The following AANAT variants were observed in gnomAD, a reference collection of about 807,000 sequenced individuals.
AANAT encodes serotonin N-acetyltransferase.
A neutral mutation model predicts 15.6 loss-of-function variants in AANAT; 11 were observed. The observed-to-expected ratio is 0.71, with a 90% CI of 0.44 to 1.17. The LOEUF is 1.17. AANAT is among the 50% of genes most tolerant of loss of function. The pLI is 0.00. For missense variants in AANAT, 286 were observed against 296.3 expected (o/e 0.97, Z 0.26); for synonymous variants, 139 against 131.5 (o/e 1.06, Z -0.39).
upstream of AANAT, chr17:76,465,782 C>T: frequency 3.6e-6 from 1 of 275,058 alleles, no homozygotes; most frequent in South Asian, 3.2e-5. Flanking sequence ...CCTGTCTCCT[C>T]TCCTGTCCCA....
At position 76,469,690 on chromosome 17, in the gene AANAT, G is replaced by A. The variant is rs2073495945; in HGVS notation, c.344G>A (p.Gly115Glu). ...GAGTCACTGACGCTGCACAGGTCTG[G>A]GGGCCACATAGCCCACCTGCATGTG... ...MQESLTLHRS[G>E]GHIAHLHVLA... Residue 115 changes from glycine (G) to glutamate (E), a missense_variant, in exon 4 of 4, where the codon GGG (glycine) becomes GAG (glutamate). Coordinates refer to ENST00000392492, the MANE Select transcript of AANAT (RefSeq NM_001088.3). The surrounding 1 kb of genome is among the most constrained non-coding windows in gnomAD (Gnocchi z 5.2). The A allele has an allele frequency of 6.6e-7, 1 of 1,521,310 alleles. No individual in the cohort carries two copies. The highest frequency in any genetic ancestry group is 8.8e-7 in the Non-Finnish European group (1 of 1,133,586). The allele number at this position is 1,521,310 out of a possible 1,614,324, so 94.2% of individuals were successfully genotyped here.
upstream of AANAT, among the ~76,000 whole-genome samples, chr17:76,467,358 G>A (rs372119135): frequency 2.0e-5 from 3 of 152,144 alleles, no homozygotes; most frequent in African/African-American, 7.2e-5. Context: ...CCAGCCAGTC[G>A]GTGACAGAGC....
intron 2 of AANAT, among the ~76,000 whole-genome samples, chr17:76,460,794 C>T (rs1325928340): frequency 2.6e-5 from 4 of 152,124 alleles, no homozygotes; most frequent in Admixed American, 2.6e-4. Flanking sequence ...GAGGTAAGTG[C>T]CTATCTAATA....
chr17:76,458,091 G>A (rs2073356352), intron 1 of AANAT, among the ~76,000 whole-genome samples: 1 of 152,204 alleles, frequency 6.6e-6, no homozygotes, highest in Non-Finnish European at 1.5e-5. Flanking sequence ...CTGAGAACCT[G>A]TACCTCCATT....
chr17:76,466,170 G>C (rs2073436449), upstream of AANAT: 2 of 1,536,838 alleles, frequency 1.3e-6, no homozygotes, highest in African/African-American at 1.4e-5. Flanking sequence ...ACCAGGGGGT[G>C]CCATGGAGCC....
At chr17:76,465,703 C>T (rs1015859538), upstream of AANAT, among the ~76,000 whole-genome samples, 2 of 151,982 alleles carry the variant, frequency 1.3e-5, no homozygotes, top group Non-Finnish European at 2.9e-5. Flanking sequence ...TTTTCCTTCT[C>T]ATTGGTGGTG....
upstream of AANAT, among the ~76,000 whole-genome samples, chr17:76,465,479 G>A (rs1043769565): frequency 3.9e-5 from 6 of 152,058 alleles, no homozygotes; most frequent in African/African-American, 1.4e-4. Context: ...GGGGCTACAG[G>A]TGTGTGCCAC....
chr17:76,466,404 G>C (rs926473940), upstream of AANAT, among the ~76,000 whole-genome samples: 4 of 152,090 alleles, frequency 2.6e-5, no homozygotes, highest in African/African-American at 9.7e-5. Context: ...GAATGCATGT[G>C]GTGGGTGGGC....
intron 1 of AANAT, among the ~76,000 whole-genome samples, chr17:76,455,469 CTAATT>C (rs2073335256): frequency 6.6e-6 from 1 of 152,060 alleles, no homozygotes; most frequent in Non-Finnish European, 1.5e-5. Context: ...AAAACTAACT[CTAATT>C]TAATGTGTCA....
At chr17:76,468,292 A>AGG (rs892915856) in intron 1 of AANAT, among the ~76,000 whole-genome samples, 3 of 152,080 alleles carry the variant, frequency 2.0e-5, no homozygotes, top group African/African-American at 7.2e-5. Context: ...TGGTCAGTGG[A>AGG]GGGTCACGAG....
chr17:76,466,201 A>C (rs1332110337), upstream of AANAT: 5 of 1,536,548 alleles, frequency 3.3e-6, no homozygotes, highest in Non-Finnish European at 4.4e-6. Flanking sequence ...AAGGGACAGA[A>C]GAGGCCTTTT....
chr17:76,454,003 G>C (rs1244108765), intron 1 of AANAT, among the ~76,000 whole-genome samples: 1 of 152,182 alleles, frequency 6.6e-6, no homozygotes, highest in Non-Finnish European at 1.5e-5. Flanking sequence ...GTGAAATAGG[G>C]ATGATAATAG....
upstream of AANAT, among the ~76,000 whole-genome samples, chr17:76,465,160 C>A (rs2073425186): frequency 1.3e-5 from 2 of 152,042 alleles, no homozygotes; most frequent in Admixed American, 1.3e-4. Context: ...ACTTGGGGGG[C>A]AAAGGACACA....
At chr17:76,468,253 G>A (rs1294747215) in intron 1 of AANAT, among the ~76,000 whole-genome samples, 1 of 152,158 alleles carries the variant, frequency 6.6e-6, no homozygotes, top group South Asian at 2.1e-4. Flanking sequence ...GGAACCGGGC[G>A]CCCACCCACT....
rs769436160 is a variant in AANAT, at chr17:76,468,802, G to A, written c.56G>A (p.Gly19Glu). ...LKPEAPRLPP[G>E]IPESPSCQRR... ...CCTGAGGCCCCACGTCTGCCACCTG[G>A]GATCCCCGAGTCCCCGAGCTGTCAG... The change falls in exon 2 of 4, where the codon GGG becomes GAG. Residue 19 changes from glycine (G) to glutamate (E), a missense_variant. Physicochemically the swap from Gly to Glu is moderately conservative, Grantham distance 98. Transcript: ENST00000392492. 1 of 1,613,408 alleles carries A rather than the reference G, an allele frequency of 6.2e-7. No individual in the cohort carries two copies. The highest frequency in any genetic ancestry group is 8.5e-7 in the Non-Finnish European group (1 of 1,179,930).
intron 2 of AANAT, among the ~76,000 whole-genome samples, chr17:76,460,433 T>C (rs1269160966): frequency 6.6e-6 from 1 of 152,078 alleles, no homozygotes; most frequent in African/African-American, 2.4e-5. Context: ...ATTACAGGCA[T>C]GAGCCACCAA....
chr17:76,469,800 G>C lies in AANAT; in HGVS notation c.454G>C (p.Ala152Pro). 1 of 1,601,166 alleles carries C rather than the reference G, an allele frequency of 6.2e-7. No homozygotes were observed. The highest frequency in any genetic ancestry group is 8.5e-7 in the Non-Finnish European group (1 of 1,174,894). The change falls in exon 4 of 4, where the codon GCC (alanine) becomes CCC (proline). Residue 152 changes from alanine (A) to proline (P), a missense_variant. Physicochemically the swap from Ala to Pro is conservative, Grantham distance 27. Coordinates refer to ENST00000392492, the MANE Select transcript of AANAT (RefSeq NM_001088.3). The surrounding 1 kb of genome is among the most constrained non-coding windows in gnomAD (Gnocchi z 5.2). ...CCTGCACCACCTGGGCAGCCAGCCG[G>C]CCGTGCGCCGGGCCGCGCTCATGTG... ...RYLHHLGSQP[A>P]VRRAALMCED...
Position 76,468,683 on chromosome 17 carries a change from C to A in AANAT, c.-64C>A. On this transcript the variant is annotated 5_prime_UTR_variant, in exon 2 of 4. Transcript: ENST00000392492. Reference sequence around the variant, plus strand: ...CTGTTCTCCAACAGGTGCTGGGAGGCCCTCCTTGGCTTAGGAGGACACTTC... The same window carrying A: ...CTGTTCTCCAACAGGTGCTGGGAGGACCTCCTTGGCTTAGGAGGACACTTC... 3.9e-6 allele frequency: 6 copies of A among 1,553,924 alleles called. No homozygotes were observed. Among genetic ancestry groups the A allele is most frequent in the Non-Finnish European group, 4.3e-6 (5 of 1,153,588 alleles).
In AANAT at chr17:76,469,116, G is replaced by A; in HGVS notation, c.164-57G>A. ...CTGAGTGGACACTCGGGGTGCAGCA[G>A]ACAGTGGACGCGAGGCACAGCGACT... On this transcript the variant is annotated intron_variant, in intron 2 of 3. Transcript: ENST00000392492. The surrounding 1 kb of genome is among the most constrained non-coding windows in gnomAD (Gnocchi z 5.2). 6.2e-7 allele frequency: 1 copy of A among 1,605,310 alleles called. No individual in the cohort carries two copies. Among genetic ancestry groups the A allele is most frequent in the Non-Finnish European group, 8.5e-7 (1 of 1,174,660 alleles).
Sources: gnomAD v4.1 joint callset for allele counts (sites outside exome capture counted in the v4.1 genomes callset) on GRCh38, gnomAD v4.1.1 for gene constraint, Gnocchi (gnomAD v3.1) non-coding constraint, MANE v1.5 for transcripts, NCBI Gene and HGNC (gene_info 2026-07-23, HGNC 2026-07-21) for gene names.